Variants in NRIP1 observed in about 807,000 individuals in gnomAD.
NRIP1 encodes the protein nuclear receptor-interacting protein 1.
Under a neutral mutation model 75.0 loss-of-function variants are expected in NRIP1, and 28 were observed. The ratio of observed to expected loss-of-function variants is 0.37; its 90% confidence interval spans 0.28 to 0.51. The LOEUF is 0.51. Among genes scored for constraint, NRIP1 ranks in the 20% least tolerant of loss-of-function variants. NRIP1 has a pLI of 0.92. For missense variants in NRIP1, 1,435 were observed against 1,343.7 expected (o/e 1.07, Z -1.06); for synonymous variants, 526 against 487.6 (o/e 1.08, Z -1.04).
At chr21:14,971,278 A>T (rs1402412502) in intron 3 of NRIP1, among the ~76,000 whole-genome samples, 3 of 152,274 alleles carry the variant, frequency 2.0e-5, no homozygotes, top group African/African-American at 7.2e-5. Flanking sequence ...TCCCAGTAGG[A>T]AGGAAGGGAA....
At chr21:14,976,020 A>G (rs1344674292) in intron 3 of NRIP1, among the ~76,000 whole-genome samples, 4 of 152,138 alleles carry the variant, frequency 2.6e-5, no homozygotes, top group Admixed American at 1.3e-4. Flanking sequence ...ACCACTTACA[A>G]ATATATTTTT....
chr21:15,012,010 ATCAT>A (rs2088114860), intron 3 of NRIP1, among the ~76,000 whole-genome samples: 1 of 152,162 alleles, frequency 6.6e-6, no homozygotes, highest in Middle Eastern at 3.2e-3. Flanking sequence ...TTTCCTCCCA[ATCAT>A]TATCTTTGAG....
At chr21:15,022,734 C>T (rs1046111492) in intron 2 of NRIP1, among the ~76,000 whole-genome samples, 2 of 152,122 alleles carry the variant, frequency 1.3e-5, no homozygotes, top group Admixed American at 1.3e-4. Flanking sequence ...GCAGTGTAGC[C>T]ACTAAGGGGA....
At chr21:15,060,553 T>A (rs2089403361) in intron 1 of NRIP1, among the ~76,000 whole-genome samples, 1 of 152,130 alleles carries the variant, frequency 6.6e-6, no homozygotes, top group Non-Finnish European at 1.5e-5. Context: ...CTTGTAAAAT[T>A]CCAGATCTTA....
chr21:14,976,789 C>G (rs564593485), intron 3 of NRIP1, among the ~76,000 whole-genome samples: 108 of 152,260 alleles, frequency 7.1e-4, no homozygotes, highest in South Asian at 3.9e-3. Context: ...TGACAACGGT[C>G]TTTCTCCAGC....
chr21:15,001,824 C>G (rs139982714), intron 3 of NRIP1, among the ~76,000 whole-genome samples: 70 of 152,086 alleles, frequency 4.6e-4, no homozygotes, highest in African/African-American at 1.6e-3. Flanking sequence ...TGTCCATAAC[C>G]ACCTCCATGA....
In NRIP1 at chr21:14,967,684, T is replaced by A. The variant is rs746963148; in HGVS notation, c.509A>T (p.Lys170Ile). Residue 170 changes from lysine (K) to isoleucine (I), a missense_variant, in exon 4 of 4, where the codon AAA becomes ATA. Lys to Ile is a moderately radical substitution (Grantham distance 102). Transcript: ENST00000318948. ...ATAGCACCTTAAATCCTTCTCCACT[T>A]TTAAAGAATCATGACTGAGGGCATA... ...QGYALSHDSLKVEKDLRCYGV... is the reference protein window; with the variant it reads ...QGYALSHDSLIVEKDLRCYGV... 6.2e-7 allele frequency: 1 copy of A among 1,613,990 alleles called. No homozygotes were observed. Among genetic ancestry groups the A allele is most frequent in the Admixed American group, 1.7e-5 (1 of 59,978 alleles).
chr21:14,985,231 C>A (rs1346397951), intron 3 of NRIP1, among the ~76,000 whole-genome samples: 1 of 152,120 alleles, frequency 6.6e-6, no homozygotes, highest in East Asian at 1.9e-4. Flanking sequence ...CCTTTTGGAG[C>A]CTTGGTCTGC....
At chr21:15,030,204 C>T (rs79463845) in intron 2 of NRIP1, among the ~76,000 whole-genome samples, 189 of 152,300 alleles carry the variant, frequency 1.2e-3, no homozygotes, top group African/African-American at 4.1e-3. Flanking sequence ...CAGAAAATAC[C>T]ATGTGGGACA....
chr21:15,032,877 CTGTT>C lies in NRIP1; in HGVS notation c.-458+10614_-458+10617del, dbSNP rs1366615794. Among the ~76,000 whole-genome samples the C allele has an allele frequency of 2.0e-5, 3 of 152,172 alleles. No individual in the cohort carries two copies. In the East Asian group the frequency reaches 5.8e-4, roughly 29 times the overall value. On this transcript the variant is annotated intron_variant, in intron 2 of 3. Coordinates refer to ENST00000318948, the MANE Select transcript of NRIP1 (RefSeq NM_003489.4). The stretch of plus-strand genomic sequence containing the variant: ...TGATTTTACAAAAATATAAAGTAGT[CTGTT>C]TGATTTCAAATATGGTTCTTTTAAA...
At chr21:14,998,086 G>GT (rs796911491) in intron 3 of NRIP1, among the ~76,000 whole-genome samples, 2 of 152,136 alleles carry the variant, frequency 1.3e-5, no homozygotes, top group South Asian at 4.1e-4. Flanking sequence ...GTATCTCTGT[G>GT]TTTGGTCAAT....
At chr21:15,025,218 A>G (rs986247685) in intron 2 of NRIP1, among the ~76,000 whole-genome samples, 2 of 152,184 alleles carry the variant, frequency 1.3e-5, no homozygotes, top group African/African-American at 4.8e-5. Flanking sequence ...TGGCAGATTG[A>G]CTACATACAG....
chr21:15,051,275 T>TGTGTGTGTGTGCGC, intron 1 of NRIP1: 2 of 179,378 alleles, frequency 1.1e-5, no homozygotes, highest in Middle Eastern at 2.3e-3. Flanking sequence ...CAGAACTCTG[T>TGTGTGTGTGTGCGC]GTGTGTGTGC....
chr21:14,988,894 T>C (rs1032260744), intron 3 of NRIP1, among the ~76,000 whole-genome samples: 6 of 151,790 alleles, frequency 4.0e-5, no homozygotes, highest in African/African-American at 1.5e-4. Context: ...AAGATTGAAG[T>C]AAGCACACAG....
At chr21:15,041,552 C>A (rs1344945634) in intron 2 of NRIP1, among the ~76,000 whole-genome samples, 2 of 152,114 alleles carry the variant, frequency 1.3e-5, no homozygotes, top group African/African-American at 2.4e-5. Context: ...TTACTTAAAA[C>A]TAATTCCTAT....
At chr21:14,981,069 T>C (rs2087219784) in intron 3 of NRIP1, among the ~76,000 whole-genome samples, 1 of 152,196 alleles carries the variant, frequency 6.6e-6, no homozygotes, top group Non-Finnish European at 1.5e-5. Flanking sequence ...TGGTGATACC[T>C]GTGAAGAGTC....
chr21:14,987,562 T>C (rs950988714), intron 3 of NRIP1, among the ~76,000 whole-genome samples: 1 of 152,176 alleles, frequency 6.6e-6, no homozygotes. Context: ...GGAAGACAAA[T>C]GTTCCTGGGG....
At chr21:15,038,785 TA>T (rs113454547) in intron 2 of NRIP1, among the ~76,000 whole-genome samples, 8 of 151,040 alleles carry the variant, frequency 5.3e-5, no homozygotes, top group Admixed American at 6.6e-5. Flanking sequence ...TTTTCAGAAA[TA>T]AAAAAAAATG....
intron 3 of NRIP1, among the ~76,000 whole-genome samples, chr21:14,989,590 A>G (rs1448417946): frequency 6.6e-6 from 1 of 152,214 alleles, no homozygotes. Flanking sequence ...CTGGCTGAAC[A>G]TGTCCTTTCC....
Sources: gnomAD v4.1 joint callset for allele counts (sites outside exome capture counted in the v4.1 genomes callset) on GRCh38, gnomAD v4.1.1 for gene constraint, MANE v1.5 for transcripts, NCBI Gene and HGNC (gene_info 2026-07-23, HGNC 2026-07-21) for gene names.